Variants in TENM1 observed in about 807,000 individuals in gnomAD.
The protein encoded by TENM1 is teneurin-1.
Under a neutral mutation model 174.8 loss-of-function variants are expected in TENM1, and 35 were observed. The observed-to-expected ratio is 0.20, with a 90% CI of 0.15 to 0.27. The LOEUF (loss-of-function observed/expected upper bound fraction) is 0.27. Ranked by LOEUF, TENM1 falls within the 10% of genes least tolerant of loss-of-function variation. The probability of loss-of-function intolerance (pLI) is 1.00; values close to 1 mark genes in which losing one functional copy is unlikely to be tolerated. For missense variants in TENM1, 1,633 were observed against 2,130.1 expected (o/e 0.77, Z 4.59); for synonymous variants, 781 against 798.7 (o/e 0.98, Z 0.37).
intron 11 of TENM1, among the ~76,000 whole-genome samples, chrX:124,590,857 T>G (rs1736918644): frequency 8.9e-6 from 1 of 112,190 alleles, no homozygotes. Flanking sequence ...TATTATTGTG[T>G]AGCTGCCTAA....
chrX:124,753,163 T>C (rs1339555076), intron 3 of TENM1, among the ~76,000 whole-genome samples: 2 of 109,738 alleles, frequency 1.8e-5, no homozygotes, highest in Non-Finnish European at 3.8e-5. Flanking sequence ...TTTTATTTCA[T>C]TGAGCAGTGG....
At chrX:124,919,125 T>C (rs761984344) in intron 1 of TENM1, among the ~76,000 whole-genome samples, 5 of 112,205 alleles carry the variant, frequency 4.5e-5, no homozygotes, top group Non-Finnish European at 9.4e-5. Flanking sequence ...GCCCTCTCCA[T>C]AGTCTCACAG....
At chrX:124,724,538 G>T (rs368909585) in intron 4 of TENM1, among the ~76,000 whole-genome samples, 21 of 112,121 alleles carry the variant, frequency 1.9e-4, no homozygotes, top group African/African-American at 6.1e-4. Context: ...GCTCACGCCT[G>T]TAATCCCAGC....
At chrX:124,622,557 T>C (rs763244953) in intron 11 of TENM1, among the ~76,000 whole-genome samples, 1 of 112,469 alleles carries the variant, frequency 8.9e-6, no homozygotes, top group African/African-American at 3.2e-5. Context: ...TGACAATCCT[T>C]ACCCTTGCCA....
intron 3 of TENM1, among the ~76,000 whole-genome samples, chrX:124,876,133 C>A (rs1021900521): frequency 2.7e-5 from 3 of 110,540 alleles, no homozygotes; most frequent in Non-Finnish European, 5.7e-5. Flanking sequence ...GTTTTCTCAT[C>A]GTAAATGGGA....
In TENM1 at chrX:124,828,133, T is replaced by A. The variant is rs781193974; in HGVS notation, c.535+66163A>T. Among the ~76,000 whole-genome samples the A allele has an allele frequency of 4.5e-5, 5 of 112,120 alleles. No homozygotes were observed. The East Asian group carries it at 1.4e-3, about 31-fold the overall frequency. On this transcript the variant is annotated intron_variant, in intron 3 of 31. Coordinates refer to ENST00000422452, the Ensembl canonical transcript of TENM1. Reference sequence around the variant, plus strand: ...TGTTAAAACTGAATATAAAAAAATTTAAAAACAGGTTTTAACAAACATTTA... The same window carrying A: ...TGTTAAAACTGAATATAAAAAAATTAAAAAACAGGTTTTAACAAACATTTA...
At chrX:124,850,281 A>C (rs1323921208) in intron 3 of TENM1, among the ~76,000 whole-genome samples, 1 of 111,853 alleles carries the variant, frequency 8.9e-6, no homozygotes. Context: ...AACCCAGTTC[A>C]GAGTTATTAT....
chrX:125,192,998 T>C, the TENM1 span, among the ~76,000 whole-genome samples: 1 of 111,185 alleles, frequency 9.0e-6, no homozygotes. Flanking sequence ...CCATTTCCCA[T>C]TTCTATTTCC....
chrX:124,499,868 T>C (rs1032266387), intron 19 of TENM1, among the ~76,000 whole-genome samples: 6 of 111,988 alleles, frequency 5.4e-5, no homozygotes, highest in African/African-American at 1.6e-4. Flanking sequence ...CACTATAGTG[T>C]ATATCATTCA....
intron 3 of TENM1, among the ~76,000 whole-genome samples, chrX:124,819,370 C>T (rs953837810): frequency 5.4e-5 from 6 of 110,861 alleles, no homozygotes; most frequent in Non-Finnish European, 9.4e-5. Context: ...GTGATTTTAC[C>T]CCATGAAGTG....
chrX:124,597,288 C>A (rs909946343), intron 11 of TENM1, among the ~76,000 whole-genome samples: 3 of 111,857 alleles, frequency 2.7e-5, no homozygotes, highest in African/African-American at 9.7e-5. Flanking sequence ...GTCCATCAAT[C>A]AACAAGAGGA....
the TENM1 span, among the ~76,000 whole-genome samples, chrX:125,083,707 C>G: frequency 9.0e-6 from 1 of 111,362 alleles, no homozygotes; most frequent in Admixed American, 9.6e-5. Flanking sequence ...AAAGGAGATA[C>G]AATATATACA....
chrX:124,471,283 AT>A (rs2061310625), intron 22 of TENM1, among the ~76,000 whole-genome samples: 1 of 44,740 alleles, frequency 2.2e-5, no homozygotes, highest in African/African-American at 9.9e-5. Context: ...TATATATAAT[AT>A]ATAGTACTAT....
chrX:124,973,286 A>G, the TENM1 span, among the ~76,000 whole-genome samples: 2 of 111,911 alleles, frequency 1.8e-5, no homozygotes, highest in Non-Finnish European at 3.8e-5. Context: ...TACCAGTACC[A>G]TGCTGTTTTG....
At position 124,758,081 on chromosome X, in the gene TENM1, GA is replaced by G. The variant is rs765568754; in HGVS notation, c.536-20885del. ...TGAAAAGACAACCTATGAAATGGGA[GA>G]AAATATTTGCAAACCATACAGCTGA... On this transcript the variant is annotated intron_variant, in intron 3 of 31. Transcript: ENST00000422452. Among the ~76,000 whole-genome samples the G allele has an allele frequency of 6.3e-5, 7 of 111,682 alleles. No individual in the cohort carries two copies. In the East Asian group the frequency reaches 2.0e-3, roughly 31 times the overall value.
At chrX:124,648,506 G>A (rs1283516672) in intron 8 of TENM1, among the ~76,000 whole-genome samples, 1 of 112,425 alleles carries the variant, frequency 8.9e-6, no homozygotes, top group East Asian at 2.8e-4. Context: ...TGACTGAAAT[G>A]TAGCATTCAG....
chrX:125,071,321 T>A, the TENM1 span, among the ~76,000 whole-genome samples: 1 of 112,036 alleles, frequency 8.9e-6, no homozygotes. Context: ...GCCTTTATGT[T>A]GAATTTACTG....
chrX:124,422,626 A>G (rs749871462), exon 24 of TENM1: 1 of 1,207,462 alleles, frequency 8.3e-7, no homozygotes, highest in East Asian at 3.0e-5. Flanking sequence ...TCTGTTGGCC[A>G]CTCTAATCGC....
intron 11 of TENM1, among the ~76,000 whole-genome samples, chrX:124,587,485 T>C (rs1401437707): frequency 5.4e-5 from 6 of 110,303 alleles, no homozygotes; most frequent in East Asian, 2.8e-4. Context: ...TGGCTAGCCA[T>C]ATGGAGAAAG....
Sources: gnomAD v4.1 joint callset for allele counts (sites outside exome capture counted in the v4.1 genomes callset) on GRCh38, gnomAD v4.1.1 for gene constraint, MANE v1.5 for transcripts, NCBI Gene and HGNC (gene_info 2026-07-23, HGNC 2026-07-21) for gene names.